The following ADAMTS19 variants were observed in gnomAD, a reference collection of about 807,000 sequenced individuals.
The protein encoded by ADAMTS19 is A disintegrin and metalloproteinase with thrombospondin motifs 19.
ADAMTS19 carries 93 observed loss-of-function variants against 153.3 expected under a neutral mutation model. The ratio of observed to expected loss-of-function variants is 0.61; its 90% CI spans 0.51 to 0.72. The LOEUF is 0.72. Ranked by LOEUF, ADAMTS19 falls within the 30% of genes least tolerant of loss-of-function variation. ADAMTS19 has a pLI of 0.00. For synonymous variants in ADAMTS19, 600 were observed against 556.6 expected (o/e 1.08, Z -1.10); for missense variants, 1,482 against 1,552.1 (o/e 0.95, Z 0.76).
At chr5:129,576,612 C>G (rs1362985103) in intron 7 of ADAMTS19, among the ~76,000 whole-genome samples, 1 of 150,202 alleles carries the variant, frequency 6.7e-6, no homozygotes, top group Non-Finnish European at 1.5e-5. Flanking sequence ...GTTAAATACC[C>G]ATTTTTTCCA....
At chr5:129,520,753 T>C (rs1286665293) in intron 3 of ADAMTS19, among the ~76,000 whole-genome samples, 1 of 152,200 alleles carries the variant, frequency 6.6e-6, no homozygotes, top group Non-Finnish European at 1.5e-5. Flanking sequence ...TGATTTCTAA[T>C]GAGTCTGAAG....
At chr5:129,548,263 C>T (rs1168067751) in intron 6 of ADAMTS19, among the ~76,000 whole-genome samples, 12 of 148,854 alleles carry the variant, frequency 8.1e-5, no homozygotes, top group Admixed American at 6.6e-4. Context: ...AGAAAATTTT[C>T]ACAACCTACT....
intron 21 of ADAMTS19, among the ~76,000 whole-genome samples, chr5:129,732,996 C>T (rs779539917): frequency 6.6e-6 from 1 of 151,840 alleles, no homozygotes; most frequent in Non-Finnish European, 1.5e-5. Flanking sequence ...AACTCAGAAA[C>T]AAAACCACAT....
chr5:129,522,316 T>TATATACACACACACACACAC (rs1249492013), intron 3 of ADAMTS19, among the ~76,000 whole-genome samples: 12 of 91,950 alleles, frequency 1.3e-4, no homozygotes, highest in African/African-American at 4.2e-4. Flanking sequence ...TATATATATA[T>TATATACACACACACACACAC]ACACACACAC....
intron 2 of ADAMTS19, among the ~76,000 whole-genome samples, chr5:129,462,806 G>A (rs1011610926): frequency 1.3e-5 from 2 of 152,108 alleles, no homozygotes; most frequent in Admixed American, 6.6e-5. Flanking sequence ...ATGCACTTGT[G>A]ATTTGTGGCT....
chr5:129,696,561 G>A (rs1755564472), intron 19 of ADAMTS19, among the ~76,000 whole-genome samples: 2 of 152,124 alleles, frequency 1.3e-5, no homozygotes, highest in African/African-American at 2.4e-5. Context: ...CCAAAGTTGT[G>A]GATCATGACC....
chr5:129,641,937 G>A lies in ADAMTS19; in HGVS notation c.1849G>A (p.Gly617Arg). The change falls in exon 11 of 23, where the codon GGA becomes AGA. Residue 617 changes from glycine (G) to arginine (R), a missense_variant. Coordinates refer to ENST00000274487, the MANE Select transcript of ADAMTS19 (RefSeq NM_133638.6). ...CRTKLDPPMDGTDCDLGKWCK... is the reference protein window; with the variant it reads ...CRTKLDPPMDRTDCDLGKWCK... ...AACCAAGCTAGACCCACCAATGGATGGAACTGACTGTGACCTTGGTAAGGT... is the reference window on the plus strand; with the variant it reads ...AACCAAGCTAGACCCACCAATGGATAGAACTGACTGTGACCTTGGTAAGGT... The A allele has an allele frequency of 4.4e-6, 7 of 1,597,434 alleles. No individual in the cohort carries two copies. The highest frequency in any genetic ancestry group is 5.1e-6 in the Non-Finnish European group (6 of 1,170,048).
chr5:129,678,883 A>T (rs1021895690), intron 16 of ADAMTS19, among the ~76,000 whole-genome samples: 4 of 152,208 alleles, frequency 2.6e-5, no homozygotes, highest in Non-Finnish European at 5.9e-5. Flanking sequence ...AAGTTATCAA[A>T]ATGTTTTCAT....
In ADAMTS19 at chr5:129,737,266, A is replaced by G; in HGVS notation, c.*48A>G. 2.7e-6 allele frequency: 4 copies of G among 1,468,940 alleles called. No homozygotes were observed. Among genetic ancestry groups the G allele is most frequent in the African/African-American group, 1.4e-5 (1 of 71,636 alleles). 91.0% of individuals were successfully genotyped at this position (1,468,940 alleles called of 1,614,324 possible). A position where few individuals can be genotyped will look rare whatever the true frequency, so the allele number is the denominator to read the frequency against. On this transcript the variant is annotated 3_prime_UTR_variant, in exon 23 of 23. Coordinates refer to ENST00000274487, the MANE Select transcript of ADAMTS19 (RefSeq NM_133638.6). ...ACAGCTCTTGGCAATTACATTATTTATAAACACACACACTAGCATGTTTTT... is the reference window on the plus strand; with the variant it reads ...ACAGCTCTTGGCAATTACATTATTTGTAAACACACACACTAGCATGTTTTT...
At chr5:129,706,700 C>T (rs1756172106) in intron 21 of ADAMTS19, among the ~76,000 whole-genome samples, 1 of 152,038 alleles carries the variant, frequency 6.6e-6, no homozygotes, top group South Asian at 2.1e-4. Flanking sequence ...GAATTATAAG[C>T]TCATACAATG....
chr5:129,661,505 A>G (rs1318580776), intron 15 of ADAMTS19, among the ~76,000 whole-genome samples: 4 of 152,182 alleles, frequency 2.6e-5, no homozygotes, highest in Non-Finnish European at 4.4e-5. Context: ...CTGTTTGTCC[A>G]GTTGGCCACG....
At chr5:129,736,281 TC>T (rs1329266679) in intron 22 of ADAMTS19, among the ~76,000 whole-genome samples, 2 of 152,056 alleles carry the variant, frequency 1.3e-5, no homozygotes, top group Non-Finnish European at 2.9e-5. Flanking sequence ...TATTTATTAT[TC>T]CTTGAAGGTA....
intron 8 of ADAMTS19, among the ~76,000 whole-genome samples, chr5:129,611,023 C>T (rs1561601610): frequency 6.6e-6 from 1 of 152,154 alleles, no homozygotes; most frequent in Non-Finnish European, 1.5e-5. Flanking sequence ...TTTTGATTTG[C>T]ATTTGTCTGA....
At chr5:129,697,985 C>T (rs1755638638) in intron 19 of ADAMTS19, among the ~76,000 whole-genome samples, 1 of 152,088 alleles carries the variant, frequency 6.6e-6, no homozygotes, top group Non-Finnish European at 1.5e-5. Context: ...TGTTGTTTCC[C>T]AAGTTGGTCT....
intron 13 of ADAMTS19, among the ~76,000 whole-genome samples, chr5:129,651,228 A>G (rs1453213530): frequency 1.3e-5 from 2 of 152,140 alleles, no homozygotes; most frequent in African/African-American, 2.4e-5. Flanking sequence ...TAGATTTTCC[A>G]TTTGAGCTCC....
At chr5:129,630,343 A>T (rs1052697108) in intron 10 of ADAMTS19, among the ~76,000 whole-genome samples, 1 of 152,134 alleles carries the variant, frequency 6.6e-6, no homozygotes, top group Non-Finnish European at 1.5e-5. Context: ...GTTGGAGGAC[A>T]TAAACTGCAT....
intron 6 of ADAMTS19, among the ~76,000 whole-genome samples, chr5:129,549,483 A>G (rs1169186121): frequency 6.6e-6 from 1 of 151,654 alleles, no homozygotes; most frequent in Admixed American, 6.6e-5. Context: ...GATTTTACAC[A>G]ATAATAAAAA....
intron 6 of ADAMTS19, among the ~76,000 whole-genome samples, chr5:129,530,502 A>G (rs980412302): frequency 2.6e-5 from 4 of 152,136 alleles, no homozygotes; most frequent in Admixed American, 2.6e-4. Flanking sequence ...GAACAGGAGG[A>G]ACAATGTTCA....
chr5:129,603,594 T>C (rs1427606274), intron 8 of ADAMTS19, among the ~76,000 whole-genome samples: 33 of 152,186 alleles, frequency 2.2e-4, no homozygotes, highest in Admixed American at 2.2e-3. Flanking sequence ...GTCTAAGATA[T>C]TGTACAATAT....
Sources: gnomAD v4.1 joint callset for allele counts (sites outside exome capture counted in the v4.1 genomes callset) on GRCh38, gnomAD v4.1.1 for gene constraint, MANE v1.5 for transcripts, NCBI Gene and HGNC (gene_info 2026-07-23, HGNC 2026-07-21) for gene names.